The following NELFCD variants were observed in gnomAD, a reference collection of about 807,000 sequenced individuals.
NELFCD encodes the protein negative elongation factor complex member C/D, also known as negative elongation factor C/D.
Under a neutral mutation model 72.9 loss-of-function variants are expected in NELFCD, and 48 were observed. That is an observed-to-expected ratio of 0.66 (90% CI 0.52 to 0.84). The LOEUF is 0.84. NELFCD is among the 40% of genes least tolerant of loss of function. The pLI, the probability that NELFCD is intolerant of heterozygous loss-of-function variation, is 0.00. For missense variants in NELFCD, 538 were observed against 723.8 expected (o/e 0.74, Z 2.94); for synonymous variants, 297 against 280.6 (o/e 1.06, Z -0.59).
At position 58,994,874 on chromosome 20, in the gene NELFCD, G is replaced by C; in HGVS notation, c.*198G>C. ...CCTTACAAACAGTCCCTTCTCTGCT[G>C]TCAATCCAATACTGCTCCCAAATCC... On this transcript the variant is annotated 3_prime_UTR_variant, in exon 15 of 15. Transcript: ENST00000652272. The C allele has an allele frequency of 1.7e-6, 1 of 596,636 alleles. No homozygotes were observed. Among genetic ancestry groups the C allele is most frequent in the Non-Finnish European group, 3.0e-6 (1 of 332,090 alleles). The allele number at this position is 596,636 out of a possible 1,614,324, so 37.0% of individuals were successfully genotyped here.
Position 58,991,377 on chromosome 20 carries a change from C to T in NELFCD, c.1020C>T (p.Asn340=), listed in dbSNP as rs2091815943. 2 of 1,614,212 alleles carry T rather than the reference C, an allele frequency of 1.2e-6. No individual in the cohort carries two copies. The highest frequency in any genetic ancestry group is 1.1e-5 in the South Asian group (1 of 91,086). ...QSLFKPGARI[N]QDHKHKYIHI... ...TCTTTAAACCAGGGGCTCGGATCAACCAGGACCACAAGCACAAATACATCC... is the reference window on the plus strand; with the variant it reads ...TCTTTAAACCAGGGGCTCGGATCAATCAGGACCACAAGCACAAATACATCC... Residue 340 remains asparagine, a synonymous_variant, in exon 9 of 15, where the codon AAC becomes AAT. Coordinates refer to ENST00000652272, the MANE Select transcript of NELFCD (RefSeq NM_198976.4).
At chr20:58,984,410 C>G (rs236728) in intron 1 of NELFCD, among the ~76,000 whole-genome samples, 3 of 152,082 alleles carry the variant, frequency 2.0e-5, no homozygotes, top group African/African-American at 7.2e-5. Context: ...GGGAATGTTG[C>G]TACTGCAAGC....
At chr20:58,988,554 A>C (rs75454359) in intron 4 of NELFCD, among the ~76,000 whole-genome samples, 17,978 of 152,132 alleles carry the variant, frequency 0.12, 1,153 homozygotes, top group Middle Eastern at 0.18. Flanking sequence ...ATGGGCCAGA[A>C]CACCTGTGCC....
intron 9 of NELFCD, 23 bp downstream of exon 9, chr20:58,991,469 G>T (rs761654688): frequency 6.2e-7 from 1 of 1,613,214 alleles, no homozygotes; most frequent in Non-Finnish European, 8.5e-7. Context: ...CTGGGAATTT[G>T]TGGATTTTTT....
Position 58,986,370 on chromosome 20 carries a change from T to C in NELFCD, c.176+162T>C. ...CCACTTTTTTTTTTTTTTTAAATTTTTTTAAGACAGAGTCTTGCTCTGTTG... is the reference window on the plus strand; with the variant it reads ...CCACTTTTTTTTTTTTTTTAAATTTCTTTAAGACAGAGTCTTGCTCTGTTG... On this transcript the variant is annotated intron_variant, in intron 2 of 14. Coordinates refer to ENST00000652272, the MANE Select transcript of NELFCD (RefSeq NM_198976.4). This position sits in a 1 kb window ranked among gnomAD's most constrained non-coding sequence, Gnocchi z 4.4. 1 of 589,860 alleles carries C rather than the reference T, an allele frequency of 1.7e-6. No individual in the cohort carries two copies. The highest frequency in any genetic ancestry group is 3.0e-6 in the Non-Finnish European group (1 of 335,540). 36.5% of individuals were successfully genotyped at this position (589,860 alleles called of 1,614,324 possible).
chr20:58,990,600 C>T (rs536679001), intron 7 of NELFCD: 25 of 256,862 alleles, frequency 9.7e-5, no homozygotes, highest in Middle Eastern at 1.3e-3. Context: ...CAAACAAAGT[C>T]AGTCCAGAAA....
At chr20:58,994,579 A>C in intron 14 of NELFCD, 63 bp from the exon 15 acceptor site, 2 of 1,337,424 alleles carry the variant, frequency 1.5e-6, no homozygotes, top group Non-Finnish European at 2.1e-6. Context: ...AAAAAAAAAA[A>C]AGAAAGAAAA....
At position 58,993,562 on chromosome 20, in the gene NELFCD, G is replaced by T. The variant is rs2091833387; in HGVS notation, c.1440+18G>T. The T allele has an allele frequency of 2.5e-6, 4 of 1,614,198 alleles. No individual in the cohort carries two copies. Among genetic ancestry groups the T allele is most frequent in the Non-Finnish European group, 3.4e-6 (4 of 1,180,030 alleles). On this transcript the variant is annotated intron_variant, in intron 12 of 14. Transcript: ENST00000652272. This position sits in a 1 kb window ranked among gnomAD's most constrained non-coding sequence, Gnocchi z 5.0. The stretch of plus-strand genomic sequence containing the variant: ...TGGAGCAGGTGAGCAGTGCCCGTGG[G>T]GCTTGCCAGAGGGCTGAGGAGGACC...
chr20:58,982,619 G>T (rs569939056), intron 1 of NELFCD, among the ~76,000 whole-genome samples: 1 of 152,342 alleles, frequency 6.6e-6, no homozygotes, highest in Non-Finnish European at 1.5e-5. Flanking sequence ...CAAGGCGGGC[G>T]ATGTGTTTCT....
Position 58,990,977 on chromosome 20 carries a change from G to T in NELFCD, c.856G>T (p.Ala286Ser). The change falls in exon 8 of 15, where the codon GCT (alanine) becomes TCT (serine). Residue 286 changes from alanine (A) to serine (S), a missense_variant. Ala to Ser is a moderately conservative substitution (Grantham distance 99). This residue lies in a region of NELFCD where 355 missense variants were observed against 534.5 expected (regional missense o/e 0.66). Coordinates refer to ENST00000652272, the MANE Select transcript of NELFCD (RefSeq NM_198976.4). The stretch of plus-strand genomic sequence containing the variant: ...TGCCTCCTACCCCAGGGCCTGCCAG[G>T]CTCTCGGGGCCATGCTGTCCAAAGG... ...TAASYPRACQ[A>S]LGAMLSKGAL... The T allele has an allele frequency of 6.2e-7, 1 of 1,614,190 alleles. No homozygotes were observed. The highest frequency in any genetic ancestry group is 8.5e-7 in the Non-Finnish European group (1 of 1,180,036).
At chr20:58,990,789 C>A in intron 7 of NELFCD, 121 bp from the exon 8 acceptor site, 1 of 833,220 alleles carries the variant, frequency 1.2e-6, no homozygotes, top group Non-Finnish European at 1.9e-6. Flanking sequence ...GTGGGTCAGT[C>A]AGTATACTCG....
Position 58,993,393 on chromosome 20 carries a change from C to G in NELFCD, c.1345-56C>G. ...GTGGCTGTGACAGTGCCCAGTTTCT[C>G]TGTGTGCTGAGCGTGACCACACTGC... On this transcript the variant is annotated intron_variant, in intron 11 of 14. Coordinates refer to ENST00000652272, the MANE Select transcript of NELFCD (RefSeq NM_198976.4). The surrounding 1 kb of genome is among the most constrained non-coding windows in gnomAD (Gnocchi z 5.0). The G allele has an allele frequency of 2.6e-6, 4 of 1,542,532 alleles. No homozygotes were observed. Among genetic ancestry groups the G allele is most frequent in the Non-Finnish European group, 3.6e-6 (4 of 1,122,186 alleles).
chr20:58,990,123 G>C (rs575681538), intron 7 of NELFCD, 135 bp downstream of exon 7: 1 of 1,234,238 alleles, frequency 8.1e-7, no homozygotes, highest in African/African-American at 1.5e-5. Context: ...TTGGCTGGGC[G>C]TGGTGGCTCA....
At chr20:58,994,517 G>A (rs555220346) in intron 14 of NELFCD, 125 bp from the exon 15 acceptor site, 211 of 806,374 alleles carry the variant, frequency 2.6e-4, no homozygotes, top group Non-Finnish European at 3.9e-4. Context: ...AGCCAAGATC[G>A]CGCCATTGCA....
intron 10 of NELFCD, 29 bp from the exon 11 acceptor site, chr20:58,992,969 T>C: frequency 3.3e-6 from 5 of 1,525,844 alleles, no homozygotes; most frequent in Non-Finnish European, 3.6e-6. Flanking sequence ...AAATTGTTTT[T>C]TAAAGGAAGC....
chr20:58,992,578 G>A (rs1191316076), intron 10 of NELFCD, among the ~76,000 whole-genome samples: 2 of 152,176 alleles, frequency 1.3e-5, no homozygotes, highest in Non-Finnish European at 2.9e-5. Context: ...AGTGGCTGCT[G>A]ATCCATTCAC....
At chr20:58,988,368 A>G (rs778453018) in intron 4 of NELFCD, among the ~76,000 whole-genome samples, 6 of 152,374 alleles carry the variant, frequency 3.9e-5, no homozygotes, top group South Asian at 4.1e-4. Context: ...CTGGGAGCCC[A>G]CGTCTCCTGG....
Position 58,994,218 on chromosome 20 carries a change from G to A in NELFCD, c.1690G>A (p.Asp564Asn). 1 of 1,614,166 alleles carries A rather than the reference G, an allele frequency of 6.2e-7. No homozygotes were observed. Among genetic ancestry groups the A allele is most frequent in the Non-Finnish European group, 8.5e-7 (1 of 1,180,010 alleles). ...TACCATCAAAACGGAAGGCGAGCAT[G>A]ACCCTGTGACGGAGTTTATAGGTGA... ...AGTIKTEGEH[D>N]PVTEFIAHCK... The change falls in exon 14 of 15, where the codon GAC (aspartate) becomes AAC (asparagine). Residue 564 changes from aspartate (D) to asparagine (N), a missense_variant. Physicochemically the swap from Asp to Asn is conservative, Grantham distance 23 (BLOSUM62 1). This residue lies in a region of NELFCD where 136 missense variants were observed against 154.0 expected (regional missense o/e 0.88). Coordinates refer to ENST00000652272, the MANE Select transcript of NELFCD (RefSeq NM_198976.4).
Position 58,993,361 on chromosome 20 carries a change from C to A in NELFCD, c.1345-88C>A, listed in dbSNP as rs1353806439. On this transcript the variant is annotated intron_variant, in intron 11 of 14. Transcript: ENST00000652272. This position sits in a 1 kb window ranked among gnomAD's most constrained non-coding sequence, Gnocchi z 5.0. ...CAGGACCTTCTTCCACAGTGATAAG[C>A]TCTTTGGTGGCTGTGACAGTGCCCA... is the stretch of plus-strand genomic sequence containing the variant. The A allele has an allele frequency of 2.3e-6, 3 of 1,287,960 alleles. No individual in the cohort carries two copies. The highest frequency in any genetic ancestry group is 3.3e-6 in the Non-Finnish European group (3 of 909,528). The allele number at this position is 1,287,960 out of a possible 1,614,324, so 79.8% of individuals were successfully genotyped here.
Sources: allele counts gnomAD v4.1 joint callset (sites outside exome capture counted in the v4.1 genomes callset), GRCh38; gene constraint gnomAD v4.1.1; regional missense constraint gnomAD v4.1.1; non-coding constraint Gnocchi (gnomAD v3.1); transcripts MANE v1.5; gene names NCBI Gene and HGNC (gene_info 2026-07-23, HGNC 2026-07-21).